Variants in PTGS1 observed in about 807,000 individuals in gnomAD.
The protein encoded by PTGS1 is prostaglandin G/H synthase 1.
PTGS1 carries 40 observed loss-of-function variants against 63.0 expected under a neutral mutation model. The ratio of observed to expected loss-of-function variants is 0.63; its 90% CI spans 0.49 to 0.83. The LOEUF (loss-of-function observed/expected upper bound fraction) is 0.83. Among genes scored for constraint, PTGS1 ranks in the 40% least tolerant of loss-of-function variants. PTGS1 has a pLI of 0.00. For missense variants in PTGS1, 709 were observed against 786.5 expected, an observed-to-expected ratio of 0.90 and a Z score of 1.18; for synonymous variants, 298 against 301.9, an observed-to-expected ratio of 0.99 and a Z score of 0.13.
chr9:122,387,769 T>C (rs970391431), intron 9 of PTGS1, among the ~76,000 whole-genome samples: 1 of 152,234 alleles, frequency 6.6e-6, no homozygotes, highest in Non-Finnish European at 1.5e-5. Context: ...AAACACATTC[T>C]CTTTCCCTGG....
chr9:122,371,137 G>C (rs200631028), intron 1 of PTGS1, 46 bp downstream of exon 1: 3 of 1,606,976 alleles, frequency 1.9e-6, no homozygotes, highest in Non-Finnish European at 1.7e-6. Flanking sequence ...TTGGCCTCCT[G>C]GTGGAGCCTT....
intron 2 of PTGS1, among the ~76,000 whole-genome samples, chr9:122,372,369 A>T (rs10306121): frequency 0.061 from 9,283 of 152,198 alleles, 902 homozygotes; most frequent in African/African-American, 0.21. Context: ...TAGGAAAGGG[A>T]TTGCGTTGAA....
intron 2 of PTGS1, 79 bp downstream of exon 2, chr9:122,371,351 C>T: frequency 6.3e-7 from 1 of 1,583,560 alleles, no homozygotes; most frequent in Non-Finnish European, 8.5e-7. Flanking sequence ...CTTTCCCCTC[C>T]AGCGGGCCCA....
Position 122,371,169 on chromosome 9 carries a change from A to G in PTGS1, c.8-17A>G. ...CCTTGAATGCCAGGCTCAGCCCCTC[A>G]TCTCTCTCCTCTGCAGGGAGTCTCT... On this transcript the variant is annotated splice_polypyrimidine_tract_variant and intron_variant, in intron 1 of 10. Coordinates refer to ENST00000362012, the MANE Select transcript of PTGS1 (RefSeq NM_000962.4). The G allele has an allele frequency of 6.2e-7, 1 of 1,608,626 alleles. No individual in the cohort carries two copies. The highest frequency in any genetic ancestry group is 2.2e-5 in the East Asian group (1 of 44,864).
chr9:122,386,555 C>T lies in PTGS1; in HGVS notation c.1119C>T (p.Arg373=), dbSNP rs1837885301. The T allele has an allele frequency of 6.2e-7, 1 of 1,614,104 alleles. No individual in the cohort carries two copies. Among genetic ancestry groups the T allele is most frequent in the Non-Finnish European group, 8.5e-7 (1 of 1,180,044 alleles). ...TGTTCGGTGTCCAGTTCCAATACCG[C>T]AACCGCATTGCCATGGAGTTCAACC... ...ELLFGVQFQY[R]NRIAMEFNHL... Residue 373 remains arginine (R), a synonymous_variant, in exon 9 of 11, where the codon CGC becomes CGT. Transcript: ENST00000362012.
chr9:122,371,954 A>G (rs548854981), intron 2 of PTGS1: 4 of 734,736 alleles, frequency 5.4e-6, no homozygotes, highest in South Asian at 3.4e-5. Flanking sequence ...TCTACCCACA[A>G]TGGACCCGGA....
intron 9 of PTGS1, among the ~76,000 whole-genome samples, chr9:122,387,899 G>T (rs1182607515): frequency 6.6e-6 from 1 of 152,182 alleles, no homozygotes; most frequent in African/African-American, 2.4e-5. Context: ...TCTAATCCTT[G>T]TCCCTAAACC....
Position 122,378,778 on chromosome 9 carries a change from G to A in PTGS1, c.356G>A (p.Arg119His), listed in dbSNP as rs754563323. ...EMLMRLVLTV[R>H]SNLIPSPPTY... ...CCGTTATTTTTGCTCTCTGCAGTGC[G>A]CTCCAACCTTATCCCCAGTCCCCCC... Residue 119 changes from arginine (R) to histidine (H), a missense_variant, in exon 5 of 11, where the codon CGC (arginine) becomes CAC (histidine). Physicochemically the swap from Arg to His is conservative, Grantham distance 29. Coordinates refer to ENST00000362012, the MANE Select transcript of PTGS1 (RefSeq NM_000962.4). The A allele has an allele frequency of 2.9e-5, 47 of 1,614,050 alleles. No homozygotes were observed. Among genetic ancestry groups the A allele is most frequent in the African/African-American group, 4.0e-5 (3 of 74,924 alleles).
intron 9 of PTGS1, among the ~76,000 whole-genome samples, chr9:122,388,117 G>GA (rs1435867214): frequency 6.6e-6 from 1 of 152,258 alleles, no homozygotes; most frequent in Non-Finnish European, 1.5e-5. Flanking sequence ...TTCAAGGAAT[G>GA]ACCATGATGA....
At chr9:122,382,788 C>T (rs1421134291) in intron 7 of PTGS1, among the ~76,000 whole-genome samples, 1 of 152,166 alleles carries the variant, frequency 6.6e-6, no homozygotes, top group Non-Finnish European at 1.5e-5. Flanking sequence ...GAAGAAGCTG[C>T]CATATAATTA....
In PTGS1 at chr9:122,392,052, C is replaced by T. The variant is rs972110293; in HGVS notation, c.1445-137C>T. 15 of 700,644 alleles carry T rather than the reference C, an allele frequency of 2.1e-5. No individual in the cohort carries two copies. In the East Asian group the frequency reaches 3.0e-4, roughly 14 times the overall value. 43.4% of individuals were successfully genotyped at this position (700,644 alleles called of 1,614,324 possible). ...GCCAACCATGCCAAATTCTAGGGCA[C>T]ATGCTCAGTTGCTCAAGTTAGTCTC... On this transcript the variant is annotated intron_variant, in intron 10 of 10. Transcript: ENST00000362012.
In PTGS1 at chr9:122,383,228, T is replaced by G. The variant is rs577018514; in HGVS notation, c.763-281T>G. Among the ~76,000 whole-genome samples the G allele has an allele frequency of 4.1e-3, 594 of 144,042 alleles. 3 individuals are homozygous for G. The highest frequency in any genetic ancestry group is 0.015 in the African/African-American group (562 of 36,300). The allele number at this position is 144,042 out of a possible 152,430, so 94.5% of individuals were successfully genotyped here. On this transcript the variant is annotated intron_variant, in intron 7 of 10. Coordinates refer to ENST00000362012, the MANE Select transcript of PTGS1 (RefSeq NM_000962.4). ...TTTTCTTTTTTTTTTTTTTCTTTTT[T>G]GCTTGGGTGCAGTGCAGAGACTGGC...
At chr9:122,390,019 G>C (rs10306174) in intron 9 of PTGS1, among the ~76,000 whole-genome samples, 179 bp from the exon 10 acceptor site, 11,897 of 152,120 alleles carry the variant, frequency 0.078, 1,445 homozygotes, top group African/African-American at 0.26. Flanking sequence ...CTTCCTGAGA[G>C]AGCATGACAG....
intron 2 of PTGS1, among the ~76,000 whole-genome samples, chr9:122,372,006 G>T (rs560324634): frequency 3.3e-5 from 5 of 152,186 alleles, no homozygotes; most frequent in Admixed American, 1.3e-4. Flanking sequence ...GGGAAATTCC[G>T]CCCTTCCCTC....
At chr9:122,370,873 C>A, upstream of PTGS1, 1 of 781,358 alleles carries the variant, frequency 1.3e-6, no homozygotes, top group South Asian at 1.9e-5. Flanking sequence ...GGGTGAAAAG[C>A]CGCTTTAGCG....
chr9:122,381,937 T>C (rs1035771533), intron 7 of PTGS1, among the ~76,000 whole-genome samples, 190 bp downstream of exon 7: 3 of 152,160 alleles, frequency 2.0e-5, no homozygotes, highest in African/African-American at 7.2e-5. Flanking sequence ...GGAGCAGACG[T>C]GGCCTCCCAT....
At chr9:122,376,483 T>A (rs117170160) in intron 2 of PTGS1, among the ~76,000 whole-genome samples, 3 of 151,692 alleles carry the variant, frequency 2.0e-5, no homozygotes, top group East Asian at 3.9e-4. Context: ...GTGAGGAGAC[T>A]GAGACCAGGG....
At chr9:122,383,868 C>T in intron 8 of PTGS1, 113 bp downstream of exon 8, 2 of 1,433,150 alleles carry the variant, frequency 1.4e-6, no homozygotes, top group Non-Finnish European at 1.9e-6. Context: ...CACCCTTCTG[C>T]TTAGTGGCTA....
chr9:122,385,996 T>G (rs1220121302), intron 8 of PTGS1, among the ~76,000 whole-genome samples: 2 of 152,066 alleles, frequency 1.3e-5, no homozygotes, highest in African/African-American at 4.8e-5. Flanking sequence ...CAAACAAAAT[T>G]AAACATCAAC....
Sources: gnomAD v4.1 joint callset for allele counts (sites outside exome capture counted in the v4.1 genomes callset) on GRCh38, gnomAD v4.1.1 for gene constraint, MANE v1.5 for transcripts, NCBI Gene and HGNC (gene_info 2026-07-23, HGNC 2026-07-21) for gene names.